Variants in RNPC3 observed in about 807,000 individuals in gnomAD.
RNPC3 encodes RNA binding region (RNP1, RRM) containing 3.
Under a neutral mutation model 67.5 loss-of-function variants are expected in RNPC3, and 48 were observed. That is an observed-to-expected ratio of 0.71 (90% CI 0.56 to 0.90). The LOEUF is 0.90. Ranked by LOEUF, RNPC3 falls within the 40% of genes least tolerant of loss-of-function variation. RNPC3 has a pLI of 0.00. For missense variants in RNPC3, 637 were observed against 626.1 expected, an observed-to-expected ratio of 1.02 and a Z score of -0.19; for synonymous variants, 239 against 210.3, an observed-to-expected ratio of 1.14 and a Z score of -1.18.
Position 103,543,327 on chromosome 1 carries a change from G to A in RNPC3, c.925G>A (p.Val309Ile). Residue 309 changes from valine to isoleucine, a missense_variant, in exon 9 of 15, where the codon GTA (valine) becomes ATA (isoleucine). Around this residue, in one of 3 missense-constraint regions of RNPC3, gnomAD observed 536 missense variants for 500.3 expected, o/e 1.07. Coordinates refer to ENST00000423855, the MANE Select transcript of RNPC3 (RefSeq NM_017619.4). The part of the protein sequence containing the change: ...SLHPVLLPSD[V>I]FDQPQPVGNK... ...ACATCCAGTGCTGTTACCTTCAGATGTATTTGACCAACCACAACCTGTAGG... is the reference window on the plus strand; with the variant it reads ...ACATCCAGTGCTGTTACCTTCAGATATATTTGACCAACCACAACCTGTAGG... 1 of 1,502,370 alleles carries A rather than the reference G, an allele frequency of 6.7e-7. No individual in the cohort carries two copies. The highest frequency in any genetic ancestry group is 8.8e-7 in the Non-Finnish European group (1 of 1,132,116). 93.1% of individuals were successfully genotyped at this position (1,502,370 alleles called of 1,614,324 possible). A position where few individuals can be genotyped will look rare whatever the true frequency, so the allele number is the denominator to read the frequency against.
rs1411932488 is a variant in RNPC3, at chr1:103,527,742, G to C, written c.240G>C (p.Lys80Asn). 3 of 1,545,068 alleles carry C rather than the reference G, an allele frequency of 1.9e-6. No individual in the cohort carries two copies. Among genetic ancestry groups the C allele is most frequent in the African/African-American group, 1.4e-5 (1 of 72,954 alleles). The change falls in exon 2 of 15, where the codon AAG (lysine) becomes AAC (asparagine). Residue 80 changes from lysine (K) to asparagine (N), a missense_variant and splice_region_variant. Transcript: ENST00000423855. ...TCCCTAATGAAAAAGCAGCTATAAA[G>C]GTATGACTTTTTCTTGACGATTAAA... ...ATFPNEKAAI[K>N]ALTRLHQLKL... is the part of the protein sequence containing the mutation.
At chr1:103,535,891 G>A (rs1209555508) in intron 5 of RNPC3, among the ~76,000 whole-genome samples, 1 of 151,946 alleles carries the variant, frequency 6.6e-6, no homozygotes, top group African/African-American at 2.4e-5. Flanking sequence ...TTGCAAGAAC[G>A]TTACATTCTT....
rs1175748215 is a variant in RNPC3, at chr1:103,555,029, T to C, written c.*13-5T>C. On this transcript the variant is annotated splice_polypyrimidine_tract_variant and splice_region_variant and intron_variant, in intron 14 of 14. Transcript: ENST00000423855. ...TATTTTTAATGGGCTTTTATGATGT[T>C]TTAGGTTTTTTTGAATCCCGTGTCC... The C allele has an allele frequency of 6.6e-6, 1 of 152,080 alleles. No individual in the cohort carries two copies. The highest frequency in any genetic ancestry group is 1.5e-5 in the Non-Finnish European group (1 of 67,980). 9.4% of individuals were successfully genotyped at this position (152,080 alleles called of 1,614,324 possible). A position where few individuals can be genotyped will look rare whatever the true frequency, so the allele number is the denominator to read the frequency against.
In RNPC3 at chr1:103,544,218, A is replaced by G. The variant is rs544094359; in HGVS notation, c.1046-723A>G. Reference sequence around the variant, plus strand: ...TGTATCCTTCCAGACCTTATCCTGTATATGTATGAACACATTTCACTCTTA... The same window carrying G: ...TGTATCCTTCCAGACCTTATCCTGTGTATGTATGAACACATTTCACTCTTA... On this transcript the variant is annotated intron_variant, in intron 9 of 14. Transcript: ENST00000423855. Among the ~76,000 whole-genome samples, 5 of 151,856 alleles carry G rather than the reference A, an allele frequency of 3.3e-5. No individual in the cohort carries two copies. The South Asian group carries it at 8.3e-4, about 25-fold the overall frequency.
intron 12 of RNPC3, among the ~76,000 whole-genome samples, chr1:103,549,036 A>G (rs1236206467): frequency 6.6e-6 from 1 of 152,158 alleles, no homozygotes; most frequent in Non-Finnish European, 1.5e-5. Context: ...ACCCACCCCT[A>G]TAATTCAATC....
chr1:103,533,663 A>AG, intron 2 of RNPC3, 76 bp from the exon 3 acceptor site: 1 of 766,404 alleles, frequency 1.3e-6, no homozygotes, highest in South Asian at 1.6e-5. Context: ...AAAAAAAAAA[A>AG]AGTATAAAAA....
At chr1:103,536,538 G>A (rs867383767) in intron 6 of RNPC3, among the ~76,000 whole-genome samples, 2 of 151,988 alleles carry the variant, frequency 1.3e-5, no homozygotes, top group East Asian at 1.9e-4. Flanking sequence ...TGCAAAAGAC[G>A]AAAAAGGGAG....
intron 1 of RNPC3, among the ~76,000 whole-genome samples, chr1:103,527,478 T>A (rs1456040388): frequency 2.6e-5 from 4 of 152,224 alleles, no homozygotes; most frequent in African/African-American, 9.6e-5. Flanking sequence ...CGTGTGTCTT[T>A]ATATGATAGA....
At chr1:103,532,536 T>C (rs532520893) in intron 2 of RNPC3, among the ~76,000 whole-genome samples, 1 of 152,214 alleles carries the variant, frequency 6.6e-6, no homozygotes, top group East Asian at 1.9e-4. Context: ...AGCATACAGA[T>C]TTAAAGTTCG....
At chr1:103,554,973 T>C (rs542617914) in intron 14 of RNPC3, 61 bp from the exon 15 acceptor site, 2 of 152,294 alleles carry the variant, frequency 1.3e-5, no homozygotes, top group Admixed American at 6.5e-5. Context: ...CTCTTAGTTA[T>C]TTTTAAACTA....
At chr1:103,552,075 C>G (rs183683118) in intron 14 of RNPC3, 62 of 210,858 alleles carry the variant, frequency 2.9e-4, no homozygotes, top group African/African-American at 1.3e-3. Flanking sequence ...TTCTTAAACC[C>G]TAATATGTAT....
intron 7 of RNPC3, 126 bp downstream of exon 7, chr1:103,537,610 C>A: frequency 1.5e-6 from 1 of 665,084 alleles, no homozygotes; most frequent in Non-Finnish European, 2.4e-6. Flanking sequence ...TTGTCCTCAG[C>A]CCCCCAGCAC....
At chr1:103,552,091 C>T (rs1651405280) in intron 14 of RNPC3, 1 of 181,048 alleles carries the variant, frequency 5.5e-6, no homozygotes, top group African/African-American at 2.4e-5. Flanking sequence ...TGTATCATAT[C>T]ACTTGGAGAG....
chr1:103,541,147 A>T (rs1338215681), intron 7 of RNPC3, among the ~76,000 whole-genome samples: 2 of 152,176 alleles, frequency 1.3e-5, no homozygotes, highest in Non-Finnish European at 2.9e-5. Context: ...GTAAGATGAA[A>T]GCTAAGCAAG....
intron 7 of RNPC3, among the ~76,000 whole-genome samples, chr1:103,541,031 C>T (rs567182232): frequency 2.1e-4 from 32 of 152,030 alleles, no homozygotes; most frequent in South Asian, 1.2e-3. Flanking sequence ...CTTGTTCAGC[C>T]GTTTGGCATG....
chr1:103,550,910 T>C, intron 12 of RNPC3, 31 bp from the exon 13 acceptor site: 1 of 1,603,942 alleles, frequency 6.2e-7, no homozygotes, highest in Non-Finnish European at 8.5e-7. Flanking sequence ...AAACTGACAT[T>C]CTTTGAATCA....
At chr1:103,549,972 T>C (rs1045517580) in intron 12 of RNPC3, among the ~76,000 whole-genome samples, 15 of 151,720 alleles carry the variant, frequency 9.9e-5, no homozygotes, top group Admixed American at 4.6e-4. Context: ...AAGACCAGCC[T>C]GGCCTATATA....
intron 12 of RNPC3, among the ~76,000 whole-genome samples, chr1:103,549,135 A>G (rs1399757781): frequency 6.6e-6 from 1 of 152,184 alleles, no homozygotes; most frequent in African/African-American, 2.4e-5. Flanking sequence ...AAACCATATC[A>G]GCTAATGTTT....
At chr1:103,554,967 T>C (rs1295612336) in intron 14 of RNPC3, 67 bp from the exon 15 acceptor site, 1 of 151,366 alleles carries the variant, frequency 6.6e-6, no homozygotes, top group African/African-American at 2.4e-5. Flanking sequence ...GTTCAGCTCT[T>C]AGTTATTTTT....
Sources: allele counts gnomAD v4.1 joint callset (sites outside exome capture counted in the v4.1 genomes callset), GRCh38; gene constraint gnomAD v4.1.1; regional missense constraint gnomAD v4.1.1; transcripts MANE v1.5; gene names NCBI Gene and HGNC (gene_info 2026-07-23, HGNC 2026-07-21).